The following GPM6A variants were observed in gnomAD, a reference collection of about 807,000 sequenced individuals.
GPM6A encodes the protein neuronal membrane glycoprotein M6-a.
A neutral mutation model predicts 32.1 loss-of-function variants in GPM6A; 7 were observed. That is an observed-to-expected ratio of 0.22 (90% confidence interval 0.12 to 0.41). The LOEUF (loss-of-function observed/expected upper bound fraction) is 0.41, where lower values mean the gene tolerates loss of function less well. GPM6A is among the 10% of genes least tolerant of loss of function. The pLI is 1.00. For synonymous variants in GPM6A, 130 were observed against 123.4 expected (o/e 1.05, Z -0.35); for missense variants, 235 against 347.2 (o/e 0.68, Z 2.57).
intron 1 of GPM6A, among the ~76,000 whole-genome samples, chr4:175,855,931 C>T (rs904566265): frequency 7.2e-5 from 11 of 152,176 alleles, no homozygotes; most frequent in Admixed American, 3.3e-4. Context: ...AACAGGAGCA[C>T]GTAAGAGCCT....
At chr4:175,909,045 G>GGT (rs558267950) in intron 1 of GPM6A, among the ~76,000 whole-genome samples, 1 of 93,496 alleles carries the variant, frequency 1.1e-5, no homozygotes, top group Non-Finnish European at 1.9e-5. Flanking sequence ...AAAAGGGCGG[G>GGT]GGGGGGGCAA....
intron 1 of GPM6A, among the ~76,000 whole-genome samples, chr4:175,915,653 A>C (rs955798635): frequency 6.6e-6 from 1 of 152,200 alleles, no homozygotes; most frequent in Non-Finnish European, 1.5e-5. Context: ...AATAAAAATG[A>C]TCAACAAAAA....
chr4:175,642,596 CATTT>C (rs1296485220), intron 4 of GPM6A, among the ~76,000 whole-genome samples: 2 of 152,146 alleles, frequency 1.3e-5, no homozygotes, highest in Admixed American at 6.6e-5. Context: ...ATGCTCTCTT[CATTT>C]GTCTTCTAAA....
intron 1 of GPM6A, among the ~76,000 whole-genome samples, chr4:176,001,445 G>A (rs1741477220): frequency 6.6e-6 from 1 of 152,170 alleles, no homozygotes; most frequent in Non-Finnish European, 1.5e-5. Flanking sequence ...CGCTCTTCGA[G>A]GTGACTCGTG....
intron 3 of GPM6A, among the ~76,000 whole-genome samples, chr4:175,662,846 A>T (rs552322468): frequency 5.5e-4 from 84 of 152,260 alleles, no homozygotes; most frequent in African/African-American, 1.9e-3. Flanking sequence ...AAATCATATT[A>T]ACTTAGAAAT....
At chr4:175,996,163 C>A (rs1055859697) in intron 1 of GPM6A, among the ~76,000 whole-genome samples, 1 of 152,086 alleles carries the variant, frequency 6.6e-6, no homozygotes, top group Non-Finnish European at 1.5e-5. Context: ...CCTAATTTTT[C>A]TTTGTTTTTC....
intron 1 of GPM6A, among the ~76,000 whole-genome samples, chr4:175,991,389 G>A (rs1486436872): frequency 6.6e-6 from 1 of 151,682 alleles, no homozygotes; most frequent in Non-Finnish European, 1.5e-5. Flanking sequence ...TCTTGCTTTA[G>A]ATAGGAAAAA....
chr4:175,967,959 A>AGT (rs1469208388), intron 1 of GPM6A, among the ~76,000 whole-genome samples: 7,724 of 152,256 alleles, frequency 0.051, 634 homozygotes, highest in African/African-American at 0.17. Context: ...TACAACATCA[A>AGT]CAGCACGATG....
intron 3 of GPM6A, among the ~76,000 whole-genome samples, chr4:175,672,213 A>G (rs1354500728): frequency 6.6e-6 from 1 of 152,192 alleles, no homozygotes; most frequent in Non-Finnish European, 1.5e-5. Context: ...GAAGGTTATT[A>G]CCTTACGGTA....
chr4:175,731,846 C>T (rs763728201), intron 1 of GPM6A, among the ~76,000 whole-genome samples: 3 of 152,078 alleles, frequency 2.0e-5, no homozygotes, highest in South Asian at 4.1e-4. Flanking sequence ...CTAGCCTTGC[C>T]GCTCCTCATG....
intron 1 of GPM6A, among the ~76,000 whole-genome samples, chr4:175,801,909 G>A (rs1032861168): frequency 3.3e-5 from 5 of 151,970 alleles, no homozygotes; most frequent in Admixed American, 6.6e-5. Context: ...AATAGTGGTC[G>A]CTCTTGATAC....
At chr4:175,980,101 T>TA (rs1740777339) in intron 1 of GPM6A, among the ~76,000 whole-genome samples, 1 of 152,148 alleles carries the variant, frequency 6.6e-6, no homozygotes, top group Admixed American at 6.6e-5. Flanking sequence ...TTACAAAAGT[T>TA]AAAAAAGCAG....
intron 1 of GPM6A, among the ~76,000 whole-genome samples, chr4:175,923,488 C>T (rs4690646): frequency 0.74 from 111,969 of 150,704 alleles, 44,797 homozygotes; most frequent in Non-Finnish European, 0.88. Context: ...GGTTCCAAGC[C>T]TCCAATACTC....
intron 3 of GPM6A, among the ~76,000 whole-genome samples, chr4:175,662,041 GT>G (rs1297250031): frequency 1.3e-5 from 2 of 151,946 alleles, no homozygotes; most frequent in African/African-American, 4.8e-5. Context: ...TTACATCCAG[GT>G]TTGTGATAGG....
chr4:175,710,594 T>C (rs1178464622), intron 1 of GPM6A, among the ~76,000 whole-genome samples: 1 of 152,188 alleles, frequency 6.6e-6, no homozygotes, highest in Non-Finnish European at 1.5e-5. Flanking sequence ...TTATAGTGAC[T>C]TCCTTTAAAT....
intron 4 of GPM6A, among the ~76,000 whole-genome samples, chr4:175,651,119 G>T (rs2110917622): frequency 6.6e-6 from 1 of 152,192 alleles, no homozygotes; most frequent in East Asian, 1.9e-4. Flanking sequence ...TCTGTCAGTT[G>T]CTAGCTGTAT....
At chr4:175,988,268 C>A (rs1181258627) in intron 1 of GPM6A, among the ~76,000 whole-genome samples, 1 of 152,230 alleles carries the variant, frequency 6.6e-6, no homozygotes, top group East Asian at 1.9e-4. Flanking sequence ...AACAACTTGG[C>A]AATTAATCAT....
chr4:175,778,572 G>A (rs1313848949), intron 1 of GPM6A, among the ~76,000 whole-genome samples: 1 of 148,668 alleles, frequency 6.7e-6, no homozygotes, highest in Non-Finnish European at 1.5e-5. Flanking sequence ...TTGCAGTGAG[G>A]GGAGATCGCA....
upstream of GPM6A, chr4:176,002,343 A>G (rs534017640): frequency 1.3e-6 from 2 of 1,584,134 alleles, no homozygotes; most frequent in South Asian, 2.3e-5. Flanking sequence ...TGCAGTCCCC[A>G]GAGGAGAGCG....
Sources: gnomAD v4.1 joint callset for allele counts (sites outside exome capture counted in the v4.1 genomes callset) on GRCh38, gnomAD v4.1.1 for gene constraint, MANE v1.5 for transcripts, NCBI Gene and HGNC (gene_info 2026-07-23, HGNC 2026-07-21) for gene names.